The following IKZF2 variants were observed in gnomAD, a reference collection of about 807,000 sequenced individuals.
The protein encoded by IKZF2 is IKAROS family zinc finger 2, also known as zinc finger protein Helios.
In IKZF2, 15 loss-of-function variants were observed where a neutral mutation model predicts 49.2. The observed-to-expected ratio is 0.30, with a 90% CI of 0.20 to 0.47. IKZF2 has a LOEUF of 0.47. Ranked by LOEUF, IKZF2 falls within the 20% of genes least tolerant of loss-of-function variation. IKZF2 has a pLI of 1.00. For synonymous variants in IKZF2, 227 were observed against 221.4 expected, an observed-to-expected ratio of 1.03 and a Z score of -0.23; for missense variants, 567 against 664.6, an observed-to-expected ratio of 0.85 and a Z score of 1.61.
chr2:213,079,063 T>G (rs1231896644), intron 4 of IKZF2, among the ~76,000 whole-genome samples: 1 of 152,106 alleles, frequency 6.6e-6, no homozygotes, highest in Non-Finnish European at 1.5e-5. Context: ...TCTTTTTTGT[T>G]GAGGGAGAAG....
chr2:213,149,350 TA>T (rs539002646), intron 2 of IKZF2, among the ~76,000 whole-genome samples: 7,631 of 141,600 alleles, frequency 0.054, 197 homozygotes, highest in South Asian at 0.098. Context: ...GAGAATCATT[TA>T]AAAAAAAAAA....
intron 4 of IKZF2, among the ~76,000 whole-genome samples, chr2:213,125,068 A>G (rs892563531): frequency 6.6e-6 from 1 of 152,218 alleles, no homozygotes; most frequent in Non-Finnish European, 1.5e-5. Flanking sequence ...TAACCCCTGA[A>G]CTTCATTGAA....
intron 4 of IKZF2, among the ~76,000 whole-genome samples, chr2:213,066,451 A>G (rs1394831238): frequency 6.6e-6 from 1 of 152,058 alleles, no homozygotes; most frequent in Non-Finnish European, 1.5e-5. Flanking sequence ...GGTCATACAC[A>G]TTGACATCGA....
intron 4 of IKZF2, among the ~76,000 whole-genome samples, chr2:213,137,783 T>G (rs570761958): frequency 1.3e-4 from 20 of 152,090 alleles, no homozygotes; most frequent in Non-Finnish European, 1.9e-4. Flanking sequence ...AGAAAATGTT[T>G]TATATACTTG....
intron 4 of IKZF2, among the ~76,000 whole-genome samples, chr2:213,124,438 G>C (rs1158604204): frequency 6.6e-6 from 1 of 152,160 alleles, no homozygotes; most frequent in Non-Finnish European, 1.5e-5. Context: ...CTTCTGCCTA[G>C]GGATTATCTT....
intron 4 of IKZF2, among the ~76,000 whole-genome samples, chr2:213,077,531 A>ATTTTTTTAAT (rs1559242880): frequency 6.8e-6 from 1 of 147,986 alleles, no homozygotes. Context: ...TGTTTTTTAA[A>ATTTTTTTAAT]TTTTTTTAAT....
At chr2:213,054,288 AAT>A (rs754744576) in intron 5 of IKZF2, among the ~76,000 whole-genome samples, 6 of 152,172 alleles carry the variant, frequency 3.9e-5, no homozygotes, top group Non-Finnish European at 8.8e-5. Flanking sequence ...AAAACACTAA[AAT>A]ATATGTTTCT....
At chr2:213,150,065 A>G in intron 2 of IKZF2, 79 bp downstream of exon 2, 1 of 714,142 alleles carries the variant, frequency 1.4e-6, no homozygotes, top group Non-Finnish European at 2.1e-6. Context: ...AGGCTGCCCC[A>G]TCAATGAAAT....
intron 4 of IKZF2, among the ~76,000 whole-genome samples, chr2:213,086,617 G>A (rs755148459): frequency 2.6e-5 from 4 of 152,102 alleles, no homozygotes; most frequent in Non-Finnish European, 5.9e-5. Flanking sequence ...AGATTGCTAG[G>A]CTTCCTCAGC....
rs1232931501 is a variant in IKZF2, at chr2:213,007,349, A to G, written c.*11T>C. ...TTTACTTCATAGGGGTCCCCTTTGG[A>G]ATGAAAAGGCCTAGTGGAATGTGTG... On this transcript the variant is annotated 3_prime_UTR_variant, in exon 9 of 9. Coordinates refer to ENST00000434687, the MANE Select transcript of IKZF2 (RefSeq NM_001387220.1). The G allele has an allele frequency of 6.2e-7, 1 of 1,609,706 alleles. No homozygotes were observed. The highest frequency in any genetic ancestry group is 8.5e-7 in the Non-Finnish European group (1 of 1,177,894).
chr2:213,074,598 A>G (rs1353293450), intron 4 of IKZF2, among the ~76,000 whole-genome samples: 2 of 152,184 alleles, frequency 1.3e-5, no homozygotes, highest in Non-Finnish European at 2.9e-5. Flanking sequence ...CAAAAGCCTA[A>G]CAAAACTCTT....
chr2:213,093,449 T>G (rs1270834685), intron 4 of IKZF2, among the ~76,000 whole-genome samples: 2 of 152,182 alleles, frequency 1.3e-5, no homozygotes, highest in Non-Finnish European at 2.9e-5. Flanking sequence ...TGGCCCCCAC[T>G]CCTTACCTCC....
chr2:213,105,210 C>T (rs1225717453), intron 4 of IKZF2, among the ~76,000 whole-genome samples: 1 of 152,148 alleles, frequency 6.6e-6, no homozygotes, highest in Non-Finnish European at 1.5e-5. Context: ...GACTCCTCTT[C>T]TACTGCAAAG....
chr2:213,038,635 A>G (rs962019907), intron 6 of IKZF2, among the ~76,000 whole-genome samples: 1 of 152,056 alleles, frequency 6.6e-6, no homozygotes, highest in East Asian at 1.9e-4. Flanking sequence ...GGATTGAGGG[A>G]AAAAGAATTA....
At chr2:213,113,731 G>A (rs557557448) in intron 4 of IKZF2, among the ~76,000 whole-genome samples, 3 of 152,000 alleles carry the variant, frequency 2.0e-5, no homozygotes, top group Admixed American at 6.6e-5. Context: ...TGGCACATAC[G>A]TTTTTTCTAA....
At chr2:213,135,847 G>T (rs751842583) in intron 4 of IKZF2, among the ~76,000 whole-genome samples, 4 of 151,280 alleles carry the variant, frequency 2.6e-5, no homozygotes, top group Non-Finnish European at 5.9e-5. Flanking sequence ...TCAGGAGTAC[G>T]AGAGCGCCTG....
chr2:213,048,000 G>A (rs1472957358), intron 6 of IKZF2, among the ~76,000 whole-genome samples: 1 of 151,970 alleles, frequency 6.6e-6, no homozygotes, highest in Non-Finnish European at 1.5e-5. Flanking sequence ...ACTTAGAGGA[G>A]CAAAAACTGT....
intron 6 of IKZF2, among the ~76,000 whole-genome samples, chr2:213,030,811 T>C (rs972641156): frequency 1.5e-5 from 2 of 136,604 alleles, no homozygotes; most frequent in Admixed American, 7.0e-5. Flanking sequence ...GTACTATTTT[T>C]CTTTTTTTTT....
chr2:213,036,372 T>C (rs1433726135), intron 6 of IKZF2, among the ~76,000 whole-genome samples: 1 of 152,188 alleles, frequency 6.6e-6, no homozygotes, highest in African/African-American at 2.4e-5. Context: ...CTTAACATAA[T>C]GCTTGTCACA....
Sources: allele counts gnomAD v4.1 joint callset (sites outside exome capture counted in the v4.1 genomes callset), GRCh38; gene constraint gnomAD v4.1.1; transcripts MANE v1.5; gene names NCBI Gene and HGNC (gene_info 2026-07-23, HGNC 2026-07-21).